The following PSD3 variants were observed in gnomAD, a reference collection of about 807,000 sequenced individuals.
PSD3 encodes the protein PH and SEC7 domain-containing protein 3.
In PSD3, 49 loss-of-function variants were observed where a neutral mutation model predicts 105.5. That is an observed-to-expected ratio of 0.46 (90% CI 0.37 to 0.59). PSD3 has a LOEUF of 0.59. Ranked by LOEUF, PSD3 falls within the 20% of genes least tolerant of loss-of-function variation. The pLI is 0.00. For missense variants in PSD3, 1,561 were observed against 1,263.8 expected, an observed-to-expected ratio of 1.24 and a Z score of -3.57; for synonymous variants, 557 against 457.8, an observed-to-expected ratio of 1.22 and a Z score of -2.77.
At chr8:18,827,935 A>AG (rs1460724633) in intron 4 of PSD3, among the ~76,000 whole-genome samples, 8 of 150,086 alleles carry the variant, frequency 5.3e-5, no homozygotes, top group Non-Finnish European at 8.9e-5. Context: ...ATTAAAAAAA[A>AG]AAAAAAGAAG....
At chr8:19,083,002 C>A (rs774944239) in intron 1 of PSD3, among the ~76,000 whole-genome samples, 32 of 152,174 alleles carry the variant, frequency 2.1e-4, no homozygotes, top group Non-Finnish European at 2.9e-4. Flanking sequence ...GAGAAGCCTG[C>A]AGGAGAGGGC....
chr8:18,722,200 G>A (rs1415695911), intron 9 of PSD3, among the ~76,000 whole-genome samples: 1 of 151,952 alleles, frequency 6.6e-6, no homozygotes, highest in Non-Finnish European at 1.5e-5. Context: ...ACAAGGAGGT[G>A]GGAGTAATAT....
chr8:18,970,709 C>G (rs1461022571), intron 1 of PSD3, among the ~76,000 whole-genome samples: 1 of 152,128 alleles, frequency 6.6e-6, no homozygotes, highest in Non-Finnish European at 1.5e-5. Context: ...AATCCCAGCA[C>G]TTTGGGAGGT....
chr8:18,883,626 G>C (rs922389486), intron 2 of PSD3, among the ~76,000 whole-genome samples: 1 of 152,144 alleles, frequency 6.6e-6, no homozygotes, highest in Non-Finnish European at 1.5e-5. Flanking sequence ...TTAAAGAAAT[G>C]GGCTCAGGGA....
At chr8:18,612,613 G>T (rs571979349) in intron 11 of PSD3, among the ~76,000 whole-genome samples, 1 of 151,998 alleles carries the variant, frequency 6.6e-6, no homozygotes, top group Non-Finnish European at 1.5e-5. Context: ...CTCGTGATCC[G>T]CCTGCCTCGG....
chr8:18,852,119 C>G (rs1322049153), intron 4 of PSD3, among the ~76,000 whole-genome samples: 1 of 151,982 alleles, frequency 6.6e-6, no homozygotes, highest in African/African-American at 2.4e-5. Context: ...TTTCCCTTGA[C>G]TGTTAACAGA....
intron 9 of PSD3, among the ~76,000 whole-genome samples, chr8:18,735,281 A>C (rs1804071253): frequency 3.3e-5 from 5 of 152,198 alleles, no homozygotes; most frequent in Admixed American, 3.3e-4. Flanking sequence ...ATGGTGCCCA[A>C]AAACAAGAGA....
intron 11 of PSD3, among the ~76,000 whole-genome samples, chr8:18,617,268 T>C (rs1805765595): frequency 6.6e-6 from 1 of 152,048 alleles, no homozygotes; most frequent in Non-Finnish European, 1.5e-5. Flanking sequence ...TGGTCGCTCA[T>C]ACCTGTAATC....
rs116057635 is a variant in PSD3, at chr8:18,674,496, G to A, written c.2173-18811C>T. 1.5e-3 allele frequency among the ~76,000 whole-genome samples: 231 copies of A among 152,246 alleles called. 1 individual carries two copies. The highest frequency in any genetic ancestry group is 5.1e-3 in the African/African-American group (211 of 41,542). ...CGAATCCTACTGTCATTTTAGTGGA[G>A]TTTAGGTGGGTGTAAAGATAAAAGC... is the stretch of plus-strand genomic sequence containing the variant. On this transcript the variant is annotated intron_variant, in intron 9 of 15. Transcript: ENST00000327040.
rs114503472 is a variant in PSD3 at position 18,785,995 on chromosome 8, A to C, written c.2082+13300T>G. On this transcript the variant is annotated intron_variant, in intron 8 of 15. Transcript: ENST00000327040. Reference sequence around the variant, plus strand: ...ATCAACCTTCACTTTGTTAGGAAAAATGTTCAGTGACTGCAAAGTGTAATA... The same window carrying C: ...ATCAACCTTCACTTTGTTAGGAAAACTGTTCAGTGACTGCAAAGTGTAATA... Among the ~76,000 whole-genome samples, 744 of 152,326 alleles carry C rather than the reference A, an allele frequency of 4.9e-3. 9 individuals carry two copies. Among genetic ancestry groups the C allele is most frequent in the African/African-American group, 0.017 (721 of 41,578 alleles).
chr8:18,860,170 G>C (rs1816333169), intron 4 of PSD3, among the ~76,000 whole-genome samples: 1 of 152,150 alleles, frequency 6.6e-6, no homozygotes, highest in African/African-American at 2.4e-5. Flanking sequence ...GAGGGAGAGA[G>C]AGGGGGAACA....
At chr8:18,584,390 C>T (rs555015148) in intron 12 of PSD3, among the ~76,000 whole-genome samples, 2 of 152,210 alleles carry the variant, frequency 1.3e-5, no homozygotes, top group Non-Finnish European at 2.9e-5. Context: ...TTACAAGGCT[C>T]TCACACTAGA....
intron 4 of PSD3, among the ~76,000 whole-genome samples, chr8:18,828,787 C>T (rs988180044): frequency 2.0e-5 from 3 of 152,058 alleles, no homozygotes; most frequent in Non-Finnish European, 2.9e-5. Context: ...ATGGCAAAAC[C>T]CTGTCTCTAT....
At chr8:18,989,451 A>T (rs1327366574) in intron 1 of PSD3, 1 of 152,238 alleles carries the variant, frequency 6.6e-6, no homozygotes, top group Non-Finnish European at 1.5e-5. Flanking sequence ...TTTAACATGT[A>T]GAAGAGCATC....
chr8:18,882,442 G>C (rs554398441), intron 2 of PSD3, among the ~76,000 whole-genome samples: 3 of 152,226 alleles, frequency 2.0e-5, no homozygotes, highest in African/African-American at 7.2e-5. Context: ...TCAAGCAGCA[G>C]AGAAAAGGGC....
intron 9 of PSD3, among the ~76,000 whole-genome samples, chr8:18,666,193 G>A (rs186655917): frequency 3.3e-5 from 5 of 152,286 alleles, no homozygotes; most frequent in African/African-American, 1.2e-4. Flanking sequence ...TGGAATTATA[G>A]GGGCACGCCA....
intron 9 of PSD3, chr8:18,734,412 T>C (rs562322931): frequency 5.3e-5 from 8 of 152,346 alleles, no homozygotes; most frequent in Non-Finnish European, 1.2e-4. Flanking sequence ...AAAAGTCCTT[T>C]TTCTTTTTTT....
chr8:19,005,482 T>C (rs78836072), intron 1 of PSD3, among the ~76,000 whole-genome samples: 1 of 150,436 alleles, frequency 6.6e-6, no homozygotes, highest in Admixed American at 6.6e-5. Context: ...ATTTTTGGGG[T>C]TTTTTTGTTT....
intron 8 of PSD3, among the ~76,000 whole-genome samples, chr8:18,781,870 C>T (rs1238357945): frequency 1.3e-5 from 2 of 152,006 alleles, no homozygotes; most frequent in Non-Finnish European, 2.9e-5. Flanking sequence ...GTTACATAAG[C>T]TTTCTTCGTT....
Sources: allele counts gnomAD v4.1 joint callset (sites outside exome capture counted in the v4.1 genomes callset), GRCh38; gene constraint gnomAD v4.1.1; transcripts MANE v1.5; gene names NCBI Gene and HGNC (gene_info 2026-07-23, HGNC 2026-07-21).